VSIG10: variants seen among roughly 807,000 people sequenced by gnomAD.
The protein encoded by VSIG10 is V-set and immunoglobulin domain containing 10, also known as V-set and immunoglobulin domain-containing protein 10.
In VSIG10, 48 loss-of-function variants were observed where a neutral mutation model predicts 58.7. The ratio of observed to expected loss-of-function variants is 0.82; its 90% confidence interval spans 0.65 to 1.04. VSIG10 has a LOEUF of 1.04. VSIG10 is among the 50% of genes least tolerant of loss of function. The pLI, the probability that VSIG10 is intolerant of heterozygous loss-of-function variation, is 0.00. For synonymous variants in VSIG10, 260 were observed against 267.1 expected (o/e 0.97, Z 0.26); for missense variants, 628 against 670.0 (o/e 0.94, Z 0.69).
chr12:118,082,107 G>C lies in VSIG10; in HGVS notation c.664+20C>G, dbSNP rs1281753612. On this transcript the variant is annotated intron_variant, in intron 3 of 8. Transcript: ENST00000359236. Reference sequence around the variant, plus strand: ...AGGGTTAAGGGGAAGAAGCGGGGCAGAGGAGTGCTGCTTACGCACAGTAGA... The same window carrying C: ...AGGGTTAAGGGGAAGAAGCGGGGCACAGGAGTGCTGCTTACGCACAGTAGA... 2 of 1,608,272 alleles carry C rather than the reference G, an allele frequency of 1.2e-6. No homozygotes were observed. The highest frequency in any genetic ancestry group is 2.2e-5 in the East Asian group (1 of 44,738).
At chr12:118,094,798 G>A (rs1466090733) in intron 2 of VSIG10, among the ~76,000 whole-genome samples, 2 of 150,082 alleles carry the variant, frequency 1.3e-5, no homozygotes, top group Non-Finnish European at 3.0e-5. Flanking sequence ...GTGCAGTAGT[G>A]CGATCTTGGC....
At position 118,079,590 on chromosome 12, in the gene VSIG10, A is replaced by C. The variant is rs746586279; in HGVS notation, c.681T>G (p.Ala227=). 6.2e-7 allele frequency: 1 copy of C among 1,613,904 alleles called. No homozygotes were observed. The highest frequency in any genetic ancestry group is 1.1e-5 in the South Asian group (1 of 91,074). Residue 227 remains alanine (A), a synonymous_variant, in exon 4 of 9, where the codon GCT becomes GCG. Coordinates refer to ENST00000359236, the MANE Select transcript of VSIG10 (RefSeq NM_019086.6). ...ELLVYYPPPS[A]PQCWAQMASG... ...ATGCCATCTGTGCCCAGCACTGGGG[A>C]GCTGATGGAGGGGGATCTGCAAAAC...
chr12:118,097,079 G>A (rs1212462833), intron 1 of VSIG10, among the ~76,000 whole-genome samples: 1 of 152,076 alleles, frequency 6.6e-6, no homozygotes, highest in Non-Finnish European at 1.5e-5. Flanking sequence ...CATACAGAAC[G>A]TCTGGTATGT....
rs186041646 is a variant in VSIG10 at position 118,082,211 on chromosome 12, T to C, written c.580A>G (p.Asn194Asp). The part of the protein sequence containing the change: ...NFFSLLLISP[N>D]LQGNYTCLAL... ...AAACAGGTGTAGTTCCCTTGGAGGT[T>C]TGGCGATATCAGTAACAGTGAGAAA... Residue 194 changes from asparagine (N) to aspartate (D), a missense_variant, in exon 3 of 9, where the codon AAC becomes GAC. Physicochemically the swap from Asn to Asp is conservative, Grantham distance 23. Coordinates refer to ENST00000359236, the MANE Select transcript of VSIG10 (RefSeq NM_019086.6). 3.9e-5 allele frequency: 63 copies of C among 1,613,952 alleles called. No homozygotes were observed. In the Admixed American group the frequency reaches 9.2e-4, roughly 23 times the overall value.
chr12:118,069,722 C>T (rs1031109868), intron 7 of VSIG10, among the ~76,000 whole-genome samples: 5 of 152,258 alleles, frequency 3.3e-5, no homozygotes, highest in South Asian at 2.1e-4. Context: ...CCACTGCACC[C>T]GGCCTGGACT....
At chr12:118,083,525 G>C (rs1477508317) in intron 2 of VSIG10, among the ~76,000 whole-genome samples, 1 of 152,122 alleles carries the variant, frequency 6.6e-6, no homozygotes, top group East Asian at 1.9e-4. Flanking sequence ...TTTGCAGTGA[G>C]CCAAGATCAC....
chr12:118,095,374 A>G (rs1399065761), intron 2 of VSIG10, among the ~76,000 whole-genome samples, 159 bp downstream of exon 2: 1 of 152,114 alleles, frequency 6.6e-6, no homozygotes, highest in Admixed American at 6.6e-5. Context: ...TTTACAGGTG[A>G]GGAAATAGAG....
intron 4 of VSIG10, among the ~76,000 whole-genome samples, chr12:118,076,249 C>T (rs1479391096): frequency 6.6e-6 from 1 of 152,138 alleles, no homozygotes; most frequent in African/African-American, 2.4e-5. Context: ...CTTTTGGACG[C>T]TCTAGAGCAA....
chr12:118,091,114 G>A (rs1196304624), intron 2 of VSIG10, among the ~76,000 whole-genome samples: 2 of 151,940 alleles, frequency 1.3e-5, no homozygotes, highest in East Asian at 1.9e-4. Context: ...CAGCCTGGAC[G>A]ACAGAGGGAG....
chr12:118,088,819 C>CCCAT (rs2033209309), intron 2 of VSIG10, among the ~76,000 whole-genome samples: 1 of 152,158 alleles, frequency 6.6e-6, no homozygotes, highest in African/African-American at 2.4e-5. Flanking sequence ...AGTCAAGGAC[C>CCCAT]CCATGTATTT....
At chr12:118,082,049 A>C in intron 3 of VSIG10, 78 bp downstream of exon 3, 15 of 1,014,964 alleles carry the variant, frequency 1.5e-5, no homozygotes, top group Non-Finnish European at 2.1e-5. Context: ...GACAAATGGG[A>C]GAGGCACAAA....
chr12:118,091,527 T>A (rs2033297794), intron 2 of VSIG10, among the ~76,000 whole-genome samples: 1 of 151,646 alleles, frequency 6.6e-6, no homozygotes, highest in African/African-American at 2.4e-5. Context: ...AAAATCACAT[T>A]AATTTGTTTC....
chr12:118,086,028 A>G (rs2033114732), intron 2 of VSIG10, among the ~76,000 whole-genome samples: 1 of 151,494 alleles, frequency 6.6e-6, no homozygotes, highest in Non-Finnish European at 1.5e-5. Flanking sequence ...GCGTGATGGC[A>G]AATGCGTGTA....
chr12:118,086,439 C>A (rs2033129951), intron 2 of VSIG10, among the ~76,000 whole-genome samples: 1 of 151,780 alleles, frequency 6.6e-6, no homozygotes, highest in African/African-American at 2.4e-5. Flanking sequence ...GTGTGGGTGA[C>A]CAAGTAAAAC....
intron 1 of VSIG10, among the ~76,000 whole-genome samples, chr12:118,097,204 C>G (rs1407207887): frequency 1.3e-5 from 2 of 152,202 alleles, no homozygotes; most frequent in Non-Finnish European, 2.9e-5. Flanking sequence ...GGGGGCCATC[C>G]CACTCTTTGT....
Position 118,065,776 on chromosome 12 carries a change from TGGAA to T in VSIG10, c.*859_*862del. On this transcript the variant is annotated 3_prime_UTR_variant, in exon 9 of 9. Coordinates refer to ENST00000359236, the MANE Select transcript of VSIG10 (RefSeq NM_019086.6). ...TCTTACAAAGATGTTTTTCAATAAA[TGGAA>T]GGAAAGATGTGTGTGCTTGGTTTTT... 1 of 152,330 alleles carries T rather than the reference TGGAA, an allele frequency of 6.6e-6. No homozygotes were observed. The highest frequency in any genetic ancestry group is 2.4e-5 in the African/African-American group (1 of 41,562). The allele number at this position is 152,330 out of a possible 1,614,324, so 9.4% of individuals were successfully genotyped here.
rs778979900 is a variant in VSIG10, at chr12:118,073,877, G to T, written c.1041C>A (p.Asn347Lys). 6 of 1,613,920 alleles carry T rather than the reference G, an allele frequency of 3.7e-6. No individual in the cohort carries two copies. Among genetic ancestry groups the T allele is most frequent in the Non-Finnish European group, 5.1e-6 (6 of 1,179,864 alleles). ...GGATGATCACCTCGGGCTGGGTAAG[G>T]TTCCTCAGCCACAGGATCTTGGCAG... ...YPPAKILWLR[N>K]LTQPEVIIQP... Residue 347 changes from asparagine (N) to lysine (K), a missense_variant, in exon 5 of 9, where the codon AAC (asparagine) becomes AAA (lysine). Transcript: ENST00000359236.
chr12:118,079,249 C>T, intron 4 of VSIG10, 97 bp downstream of exon 4: 1 of 1,495,686 alleles, frequency 6.7e-7, no homozygotes, highest in Non-Finnish European at 9.0e-7. Flanking sequence ...ACCCTGACAT[C>T]CGGGGATTTC....
chr12:118,100,511 A>G (rs1227228371), intron 1 of VSIG10, among the ~76,000 whole-genome samples: 3 of 151,902 alleles, frequency 2.0e-5, no homozygotes, highest in Non-Finnish European at 4.4e-5. Context: ...AAAAAAGCAG[A>G]TAAGAATTCT....
Sources: gnomAD v4.1 joint callset for allele counts (sites outside exome capture counted in the v4.1 genomes callset) on GRCh38, gnomAD v4.1.1 for gene constraint, MANE v1.5 for transcripts, NCBI Gene and HGNC (gene_info 2026-07-23, HGNC 2026-07-21) for gene names.